Variants in EPHA6 observed in about 807,000 individuals in gnomAD.
EPHA6 encodes ephrin type-A receptor 6.
Under a neutral mutation model 112.0 loss-of-function variants are expected in EPHA6, and 50 were observed. The observed-to-expected ratio is 0.45, with a 90% CI of 0.36 to 0.56. The LOEUF is 0.56. Ranked by LOEUF, EPHA6 falls within the 20% of genes least tolerant of loss-of-function variation. EPHA6 has a pLI of 0.00. For missense variants in EPHA6, 1,280 were observed against 1,417.4 expected (o/e 0.90, Z 1.56); for synonymous variants, 529 against 490.7 (o/e 1.08, Z -1.03).
chr3:97,481,213 C>G, intron 9 of EPHA6: 1 of 1,264,444 alleles, frequency 7.9e-7, no homozygotes, highest in South Asian at 1.2e-5. Flanking sequence ...AAAAGACAAC[C>G]TTTTTCTCCA....
At chr3:97,119,680 TTTTGCCCGTGTAAATGGAGTTGTC>T (rs1224716782) in intron 3 of EPHA6, among the ~76,000 whole-genome samples, 1 of 152,026 alleles carries the variant, frequency 6.6e-6, no homozygotes, top group African/African-American at 2.4e-5. Context: ...AATAGCTTTG[TTTTGCCCGTGTAAATGGAGTTGTC>T]TGAACTTACG....
At chr3:96,856,147 G>A (rs1283043772) in intron 1 of EPHA6, among the ~76,000 whole-genome samples, 1 of 152,068 alleles carries the variant, frequency 6.6e-6, no homozygotes, top group Non-Finnish European at 1.5e-5. Context: ...AGCTGGGGCA[G>A]GAGAATCACT....
chr3:97,273,078 A>AG (rs1177431314), intron 5 of EPHA6, among the ~76,000 whole-genome samples: 2 of 152,042 alleles, frequency 1.3e-5, no homozygotes, highest in East Asian at 3.9e-4. Flanking sequence ...GTTAGAAGAA[A>AG]CGTTTGTCAT....
intron 3 of EPHA6, among the ~76,000 whole-genome samples, chr3:97,218,641 T>C (rs1440422290): frequency 6.6e-6 from 1 of 152,156 alleles, no homozygotes; most frequent in Admixed American, 6.5e-5. Flanking sequence ...TTATAGGGAT[T>C]ATAATTCAAG....
Position 97,760,547 on chromosome 3 carries a change from TAAA to T in EPHA6, c.*11847_*11849del. 1 of 101,894 alleles carries T rather than the reference TAAA, an allele frequency of 9.8e-6. No individual in the cohort carries two copies. 6.3% of individuals were successfully genotyped at this position (101,894 alleles called of 1,614,324 possible). ...TGCTGTTCTAGCATAGCCAAAAATATAAAGATATAGATGTACATATACATATGT... is the reference window on the plus strand; with the variant it reads ...TGCTGTTCTAGCATAGCCAAAAATATGATATAGATGTACATATACATATGT... On this transcript the variant is annotated 3_prime_UTR_variant, in exon 18 of 18. Transcript: ENST00000389672.
intron 5 of EPHA6, among the ~76,000 whole-genome samples, chr3:97,308,269 A>T (rs1387397651): frequency 6.6e-6 from 1 of 151,618 alleles, no homozygotes; most frequent in Non-Finnish European, 1.5e-5. Flanking sequence ...TCTCTCCCCA[A>T]ACTGCCTTGG....
chr3:97,282,141 C>A (rs1426560099), intron 5 of EPHA6, among the ~76,000 whole-genome samples: 1 of 152,046 alleles, frequency 6.6e-6, no homozygotes. Context: ...GTCCATATTG[C>A]CCAGTTTTTT....
intron 2 of EPHA6, among the ~76,000 whole-genome samples, chr3:96,978,786 T>C (rs1342472032): frequency 2.6e-5 from 4 of 152,218 alleles, no homozygotes; most frequent in African/African-American, 9.6e-5. Context: ...TATTTTGTAC[T>C]TCTATATTTC....
At chr3:97,311,152 A>G (rs1052341268) in intron 5 of EPHA6, among the ~76,000 whole-genome samples, 4 of 151,698 alleles carry the variant, frequency 2.6e-5, no homozygotes, top group African/African-American at 4.8e-5. Context: ...TCTCTTCTCC[A>G]TGCTGAAACA....
Position 97,251,902 on chromosome 3 carries a change from A to G in EPHA6, c.1606+7615A>G, listed in dbSNP as rs986000615. Among the ~76,000 whole-genome samples, 9 of 152,316 alleles carry G rather than the reference A, an allele frequency of 5.9e-5. No individual in the cohort carries two copies. In the East Asian group the frequency reaches 1.3e-3, roughly 23 times the overall value. ...GATTTTTCTCTCTCAACTTGGCACAATGTTTTTTGTTTGCCATTTAATGTC... is the reference window on the plus strand; with the variant it reads ...GATTTTTCTCTCTCAACTTGGCACAGTGTTTTTTGTTTGCCATTTAATGTC... On this transcript the variant is annotated intron_variant, in intron 5 of 17. Coordinates refer to ENST00000389672, the MANE Select transcript of EPHA6 (RefSeq NM_001080448.3).
At chr3:97,101,400 G>A (rs1030169828) in intron 3 of EPHA6, among the ~76,000 whole-genome samples, 1 of 151,924 alleles carries the variant, frequency 6.6e-6, no homozygotes, top group African/African-American at 2.4e-5. Context: ...TGTTGTTTGT[G>A]TGTCTGTGTG....
chr3:97,518,337 T>C (rs549869679), intron 10 of EPHA6, among the ~76,000 whole-genome samples: 5 of 152,248 alleles, frequency 3.3e-5, no homozygotes, highest in Admixed American at 2.0e-4. Flanking sequence ...TAATTAGTTA[T>C]AGTGAGCATT....
At chr3:97,278,527 T>G (rs2080174878) in intron 5 of EPHA6, among the ~76,000 whole-genome samples, 1 of 152,098 alleles carries the variant, frequency 6.6e-6, no homozygotes, top group African/African-American at 2.4e-5. Context: ...CACCAAACTG[T>G]CAAGCAAAAA....
intron 5 of EPHA6, among the ~76,000 whole-genome samples, chr3:97,312,773 G>A (rs1198734563): frequency 6.7e-6 from 1 of 150,326 alleles, no homozygotes; most frequent in African/African-American, 2.4e-5. Flanking sequence ...ATATTCTGTG[G>A]TCACATTTTT....
intron 2 of EPHA6, among the ~76,000 whole-genome samples, chr3:96,951,957 C>A (rs998077937): frequency 1.3e-5 from 2 of 152,124 alleles, no homozygotes; most frequent in Non-Finnish European, 2.9e-5. Flanking sequence ...AGTTGACTTA[C>A]TGTTTCTCAG....
chr3:97,694,638 T>C (rs1380986302), intron 14 of EPHA6, among the ~76,000 whole-genome samples: 2 of 152,246 alleles, frequency 1.3e-5, no homozygotes, highest in South Asian at 2.1e-4. Context: ...AATCTGTCCT[T>C]GGAAGTCACT....
chr3:97,392,618 A>C (rs2086475791), intron 5 of EPHA6, among the ~76,000 whole-genome samples: 1 of 151,736 alleles, frequency 6.6e-6, no homozygotes, highest in Non-Finnish European at 1.5e-5. Flanking sequence ...TTCTGTTTCT[A>C]AACTTTTTAC....
chr3:97,513,323 G>A (rs949582236), intron 10 of EPHA6, among the ~76,000 whole-genome samples: 3 of 152,192 alleles, frequency 2.0e-5, no homozygotes, highest in African/African-American at 7.2e-5. Context: ...AATGAATTCA[G>A]TATGTCAAAG....
intron 3 of EPHA6, among the ~76,000 whole-genome samples, chr3:97,115,213 C>T (rs1427505852): frequency 6.6e-6 from 1 of 151,736 alleles, no homozygotes; most frequent in Non-Finnish European, 1.5e-5. Flanking sequence ...CTTAAATACA[C>T]CTTTATTTCA....
Sources: allele counts gnomAD v4.1 joint callset (sites outside exome capture counted in the v4.1 genomes callset), GRCh38; gene constraint gnomAD v4.1.1; transcripts MANE v1.5; gene names NCBI Gene and HGNC (gene_info 2026-07-23, HGNC 2026-07-21).